Variants in ZNF891 observed in about 807,000 individuals in gnomAD.
ZNF891 encodes zinc finger protein 891, also known as hCG1646157.
For synonymous variants in ZNF891, 199 were observed against 209.0 expected, an observed-to-expected ratio of 0.95 and a Z score of 0.41; for missense variants, 589 against 632.7, an observed-to-expected ratio of 0.93 and a Z score of 0.74.
Position 133,106,393 on chromosome 12 carries a change from T to G in ZNF891, c.*13891A>C, listed in dbSNP as rs1338896791. 1.2e-6 allele frequency: 2 copies of G among 1,614,032 alleles called. No individual in the cohort carries two copies. Among genetic ancestry groups the G allele is most frequent in the African/African-American group, 2.7e-5 (2 of 74,908 alleles). The stretch of plus-strand genomic sequence containing the variant: ...AAGTTTTCACTTGGCATGCATCCCT[T>G]ATTCAACATACGAAGAGTCACACTG... On this transcript the variant is annotated 3_prime_UTR_variant, in exon 2 of 2. Coordinates refer to ENST00000537226, the MANE Select transcript of ZNF891 (RefSeq NM_001277291.2).
intron 1 of ZNF891, among the ~76,000 whole-genome samples, chr12:133,124,359 A>T (rs1035175835): frequency 1.5e-4 from 23 of 152,184 alleles, no homozygotes; most frequent in African/African-American, 4.8e-4. Flanking sequence ...CAGGAATTCC[A>T]GAAGAGGAGA....
In ZNF891 at chr12:133,120,567, T is replaced by G; in HGVS notation, c.1352A>C (p.Lys451Thr). 1 of 1,559,480 alleles carries G rather than the reference T, an allele frequency of 6.4e-7. No individual in the cohort carries two copies. The highest frequency in any genetic ancestry group is 8.7e-7 in the Non-Finnish European group (1 of 1,153,260). Reference protein sequence around the residue: ...FNTSSHLKVHKKIHTGENVYE... With the variant: ...FNTSSHLKVHTKIHTGENVYE... ...AACATTCTCTCCGGTATGAATTTTCTTATGAACTTTAAGGTGAGAGCTCGT... is the reference window on the plus strand; with the variant it reads ...AACATTCTCTCCGGTATGAATTTTCGTATGAACTTTAAGGTGAGAGCTCGT... The change falls in exon 2 of 2, where the codon AAG becomes ACG. Residue 451 changes from lysine (K) to threonine (T), a missense_variant. Lys to Thr is a moderately conservative substitution (Grantham distance 78). Coordinates refer to ENST00000537226, the MANE Select transcript of ZNF891 (RefSeq NM_001277291.2).
At chr12:133,124,217 C>T (rs1036535368) in intron 1 of ZNF891, among the ~76,000 whole-genome samples, 30 of 152,084 alleles carry the variant, frequency 2.0e-4, no homozygotes, top group African/African-American at 6.5e-4. Flanking sequence ...AAAGATGGCA[C>T]TTTAAATCGG....
At chr12:133,125,461 T>TG (rs1414409575) in intron 1 of ZNF891, 1 of 156,362 alleles carries the variant, frequency 6.4e-6, no homozygotes, top group African/African-American at 2.4e-5. Context: ...AATAGAACAA[T>TG]GGGGCCTTTT....
At chr12:133,128,890 G>A in intron 1 of ZNF891, among the ~76,000 whole-genome samples, 1 of 146,038 alleles carries the variant, frequency 6.8e-6, no homozygotes, top group African/African-American at 2.5e-5. Flanking sequence ...CCCCAAAAAA[G>A]ACCAAAACAA....
chr12:133,115,417 GAT>G lies in ZNF891; in HGVS notation c.*4865_*4866del, dbSNP rs1955710784. ...AAAAAAAAAAAAAAAAAAAAAAAAA[GAT>G]GTGGGATAAAAGGTATAACTCAATT... On this transcript the variant is annotated 3_prime_UTR_variant, in exon 2 of 2. Coordinates refer to ENST00000537226, the MANE Select transcript of ZNF891 (RefSeq NM_001277291.2). 1.7e-5 allele frequency: 1 copy of G among 59,752 alleles called. No individual in the cohort carries two copies. The highest frequency in any genetic ancestry group is 4.0e-5 in the Non-Finnish European group (1 of 25,256). The allele number at this position is 59,752 out of a possible 1,614,324, so 3.7% of individuals were successfully genotyped here.
Position 133,121,299 on chromosome 12 carries a change from G to A in ZNF891, c.620C>T (p.Ser207Leu). The A allele has an allele frequency of 2.0e-6, 3 of 1,535,422 alleles. No individual in the cohort carries two copies. The highest frequency in any genetic ancestry group is 2.0e-5 in the Admixed American group (1 of 50,876). The change falls in exon 2 of 2, where the codon TCA (serine) becomes TTA (leucine). Residue 207 changes from serine to leucine, a missense_variant. By Grantham distance (145) the Ser-to-Leu change is moderately radical. Coordinates refer to ENST00000537226, the MANE Select transcript of ZNF891 (RefSeq NM_001277291.2). ...NSKLGSKLIF[S>L]QSIFTSKHCQ... ...ATGTTTACTGGTGAAAATGCTCTGTGAAAAAATAAGTTTTGATCCAAGTTT... is the reference window on the plus strand; with the variant it reads ...ATGTTTACTGGTGAAAATGCTCTGTAAAAAAATAAGTTTTGATCCAAGTTT...
chr12:133,125,444 G>C (rs1955805399), intron 1 of ZNF891: 1 of 154,432 alleles, frequency 6.5e-6, no homozygotes, highest in Admixed American at 6.5e-5. Flanking sequence ...TCCAAGATTT[G>C]CTTCAAAATA....
chr12:133,120,720 C>G lies in ZNF891; in HGVS notation c.1199G>C (p.Gly400Ala). 1 of 1,566,988 alleles carries G rather than the reference C, an allele frequency of 6.4e-7. No homozygotes were observed. Among genetic ancestry groups the G allele is most frequent in the Non-Finnish European group, 8.6e-7 (1 of 1,156,722 alleles). ...CTGATTACATTCATAAGGTTTCTCT[C>G]CAGTGTGAGTTCTCATGTGAGCCTT... ...SLKAHMRTHTGEKPYECNQCG... is the reference protein window; with the variant it reads ...SLKAHMRTHTAEKPYECNQCG... Residue 400 changes from glycine (G) to alanine (A), a missense_variant, in exon 2 of 2, where the codon GGA becomes GCA. Coordinates refer to ENST00000537226, the MANE Select transcript of ZNF891 (RefSeq NM_001277291.2).
intron 1 of ZNF891, 36 bp from the exon 2 acceptor site, chr12:133,122,060 A>G: frequency 7.1e-7 from 1 of 1,407,214 alleles, no homozygotes; most frequent in Non-Finnish European, 9.2e-7. Context: ...TAAAAGAAGA[A>G]AGCTGGAAAC....
At position 133,109,349 on chromosome 12, in the gene ZNF891, A is replaced by G. The variant is rs1254760874; in HGVS notation, c.*10935T>C. 2 of 152,190 alleles carry G rather than the reference A, an allele frequency of 1.3e-5. No individual in the cohort carries two copies. The highest frequency in any genetic ancestry group is 2.9e-5 in the Non-Finnish European group (2 of 68,034). The allele number at this position is 152,190 out of a possible 1,614,324, so 9.4% of individuals were successfully genotyped here. On this transcript the variant is annotated 3_prime_UTR_variant, in exon 2 of 2. Coordinates refer to ENST00000537226, the MANE Select transcript of ZNF891 (RefSeq NM_001277291.2). The stretch of plus-strand genomic sequence containing the variant: ...CTTGGCATGGGAGGGGTTGGGTAAA[A>G]TCTGCACAAGAGTCCAAGGGATGCA...
rs1477914403 is a variant in ZNF891, at chr12:133,106,320, A to AGAG, written c.*13961_*13963dup. On this transcript the variant is annotated 3_prime_UTR_variant, in exon 2 of 2. Coordinates refer to ENST00000537226, the MANE Select transcript of ZNF891 (RefSeq NM_001277291.2). ...TGTCACTCATTCCTTATTAAACATC[A>AGAG]GAGAATTCATGCTGGAGAAAAGCTC... 6.2e-7 allele frequency: 1 copy of AGAG among 1,614,112 alleles called. No homozygotes were observed.
intron 1 of ZNF891, among the ~76,000 whole-genome samples, chr12:133,123,716 A>C (rs1230260368): frequency 4.0e-5 from 6 of 148,964 alleles, no homozygotes; most frequent in South Asian, 2.1e-4. Flanking sequence ...CTTGAAAAAA[A>C]AAAAACAAAA....
intron 1 of ZNF891, among the ~76,000 whole-genome samples, chr12:133,128,802 A>G (rs1955844570): frequency 6.6e-6 from 1 of 151,714 alleles, no homozygotes; most frequent in Non-Finnish European, 1.5e-5. Context: ...GAAAAAAAAA[A>G]AAAAGTAGAA....
chr12:133,122,285 A>T, intron 1 of ZNF891: 1 of 972,540 alleles, frequency 1.0e-6, no homozygotes, highest in Non-Finnish European at 1.2e-6. Context: ...AGTTATTTTT[A>T]AAAATGTAAA....
chr12:133,129,166 C>T (rs933305519), intron 1 of ZNF891, among the ~76,000 whole-genome samples: 6 of 152,002 alleles, frequency 3.9e-5, no homozygotes, highest in Non-Finnish European at 8.8e-5. Context: ...GTATCTAAAA[C>T]AGAATACGAA....
intron 1 of ZNF891, among the ~76,000 whole-genome samples, chr12:133,125,323 A>C (rs945595712): frequency 2.0e-5 from 3 of 152,182 alleles, no homozygotes; most frequent in East Asian, 3.9e-4. Flanking sequence ...TTTGCCTATA[A>C]ATTTGATATA....
Position 133,105,853 on chromosome 12 carries a change from G to C in ZNF891, c.*14431C>G. 1 of 1,614,092 alleles carries C rather than the reference G, an allele frequency of 6.2e-7. No individual in the cohort carries two copies. Among genetic ancestry groups the C allele is most frequent in the Non-Finnish European group, 8.5e-7 (1 of 1,180,020 alleles). ...CTGGAGAGAAACCATATGCATGTAA[G>C]GAATGTGGCAAAACCTTTAGCCAGA... is the stretch of plus-strand genomic sequence containing the variant. On this transcript the variant is annotated 3_prime_UTR_variant, in exon 2 of 2. Coordinates refer to ENST00000537226, the MANE Select transcript of ZNF891 (RefSeq NM_001277291.2).
At position 133,106,513 on chromosome 12, in the gene ZNF891, C is replaced by G. The variant is rs1955605012; in HGVS notation, c.*13771G>C. 3.1e-6 allele frequency: 5 copies of G among 1,613,910 alleles called. No homozygotes were observed. The South Asian group carries it at 4.4e-5, about 14-fold the overall frequency. On this transcript the variant is annotated 3_prime_UTR_variant, in exon 2 of 2. Coordinates refer to ENST00000537226, the MANE Select transcript of ZNF891 (RefSeq NM_001277291.2). ...AGAGAACTCATACTGGAGAGAAACC[C>G]TATGTATGTAAGGTATGCAACAAAT...
Sources: gnomAD v4.1 joint callset for allele counts (sites outside exome capture counted in the v4.1 genomes callset) on GRCh38, gnomAD v4.1.1 for gene constraint, MANE v1.5 for transcripts, NCBI Gene and HGNC (gene_info 2026-07-23, HGNC 2026-07-21) for gene names.